Variants in SFXN5 observed in about 807,000 individuals in gnomAD.
SFXN5 encodes the protein sideroflexin-5.
A neutral mutation model predicts 50.2 loss-of-function variants in SFXN5; 43 were observed. The ratio of observed to expected loss-of-function variants is 0.86; its 90% confidence interval spans 0.67 to 1.11. The LOEUF is 1.11. SFXN5 is among the 50% of genes least tolerant of loss of function. SFXN5 has a pLI of 0.00. For missense variants in SFXN5, 463 were observed against 454.1 expected (o/e 1.02, Z -0.18); for synonymous variants, 203 against 185.8 (o/e 1.09, Z -0.75).
intron 5 of SFXN5, 71 bp downstream of exon 5, chr2:73,022,451 G>C: frequency 8.4e-7 from 1 of 1,186,556 alleles, no homozygotes. Flanking sequence ...AGCACATCTG[G>C]ATGCTCCTGG....
chr2:73,041,850 A>G (rs1679688423), intron 2 of SFXN5, among the ~76,000 whole-genome samples: 1 of 151,932 alleles, frequency 6.6e-6, no homozygotes, highest in Non-Finnish European at 1.5e-5. Flanking sequence ...TTATACACAC[A>G]CGCCACTGCA....
chr2:72,950,620 T>G lies in SFXN5; in HGVS notation c.946-5521A>C, dbSNP rs1476029193. Among the ~76,000 whole-genome samples, 1 of 152,206 alleles carries G rather than the reference T, an allele frequency of 6.6e-6. No individual in the cohort carries two copies. The highest frequency in any genetic ancestry group is 1.5e-5 in the Non-Finnish European group (1 of 68,032). ...CCCTGTCCACCAAAAACTAAGCATC[T>G]CCCTTGAAGACCACCTCTCTGAGGT... is the stretch of plus-strand genomic sequence containing the variant. On this transcript the variant is annotated intron_variant, in intron 13 of 13. Coordinates refer to ENST00000272433, the MANE Select transcript of SFXN5 (RefSeq NM_144579.3). The surrounding 1 kb of genome is among the most constrained non-coding windows in gnomAD (Gnocchi z 4.2).
chr2:73,032,859 G>A (rs1037921237), intron 3 of SFXN5, among the ~76,000 whole-genome samples: 1 of 152,166 alleles, frequency 6.6e-6, no homozygotes, highest in African/African-American at 2.4e-5. Context: ...TGGGCCAATC[G>A]CATTATACCT....
intron 9 of SFXN5, among the ~76,000 whole-genome samples, chr2:72,995,685 A>T (rs999451668): frequency 6.6e-6 from 1 of 152,210 alleles, no homozygotes. Context: ...TTTGCAGGTC[A>T]TCTCCTCCTA....
Position 73,057,076 on chromosome 2 carries a change from G to A in SFXN5, c.171+1452C>T, listed in dbSNP as rs1433918699. Among the ~76,000 whole-genome samples, 7 of 152,238 alleles carry A rather than the reference G, an allele frequency of 4.6e-5. No individual in the cohort carries two copies. The East Asian group carries it at 9.6e-4, about 21-fold the overall frequency. ...AAATTCTGGAACATCCTTTCAATGG[G>A]ACACTACTCAGCAGTAAGAAGGGAT... On this transcript the variant is annotated intron_variant, in intron 2 of 13. Coordinates refer to ENST00000272433, the MANE Select transcript of SFXN5 (RefSeq NM_144579.3).
At chr2:73,054,490 G>C (rs1217798303) in intron 2 of SFXN5, among the ~76,000 whole-genome samples, 2 of 152,120 alleles carry the variant, frequency 1.3e-5, no homozygotes, top group African/African-American at 2.4e-5. Context: ...GTGGTACAAG[G>C]AGGAGAGTAG....
At chr2:73,071,040 C>T (rs991380170) in intron 1 of SFXN5, 2 of 152,682 alleles carry the variant, frequency 1.3e-5, no homozygotes, top group African/African-American at 4.8e-5. Flanking sequence ...CGCCGCTCGC[C>T]TCGGCACTCG....
intron 12 of SFXN5, among the ~76,000 whole-genome samples, chr2:72,962,951 A>ACC (rs1431874690): frequency 6.6e-6 from 1 of 151,214 alleles, no homozygotes; most frequent in African/African-American, 2.4e-5. Flanking sequence ...CCCATCCAGC[A>ACC]CCCCCACCCT....
chr2:73,052,553 TCA>T (rs1327176974), intron 2 of SFXN5, among the ~76,000 whole-genome samples: 1 of 151,108 alleles, frequency 6.6e-6, no homozygotes, highest in African/African-American at 2.5e-5. Flanking sequence ...CCAAATAGTT[TCA>T]GATTGTGACA....
chr2:73,014,944 T>C (rs959431391), intron 6 of SFXN5, among the ~76,000 whole-genome samples: 2 of 152,216 alleles, frequency 1.3e-5, no homozygotes, highest in Non-Finnish European at 2.9e-5. Flanking sequence ...CCATTGTTTA[T>C]TTTTTCATGT....
intron 13 of SFXN5, among the ~76,000 whole-genome samples, chr2:72,957,359 A>G (rs903316119): frequency 1.3e-5 from 2 of 152,206 alleles, no homozygotes; most frequent in African/African-American, 4.8e-5. Flanking sequence ...GACCCTCAGT[A>G]CCATTTTAAT....
intron 2 of SFXN5, among the ~76,000 whole-genome samples, chr2:73,043,482 C>T (rs948641628): frequency 1.3e-5 from 2 of 152,200 alleles, no homozygotes; most frequent in Non-Finnish European, 1.5e-5. Flanking sequence ...TGTGAAACAC[C>T]GTGGTGGCCA....
chr2:73,069,118 T>C (rs1004181072), intron 1 of SFXN5, among the ~76,000 whole-genome samples: 1 of 152,098 alleles, frequency 6.6e-6, no homozygotes, highest in African/African-American at 2.4e-5. Context: ...GTGAGGTCTT[T>C]ATCTCAGAAG....
At chr2:73,033,933 G>C (rs1678627112) in intron 3 of SFXN5, among the ~76,000 whole-genome samples, 2 of 152,198 alleles carry the variant, frequency 1.3e-5, no homozygotes, top group Admixed American at 6.5e-5. Context: ...AACACCCTCA[G>C]TACACTGGAC....
intron 3 of SFXN5, 149 bp from the exon 4 acceptor site, chr2:73,023,363 C>A: frequency 1.4e-6 from 1 of 716,768 alleles, no homozygotes; most frequent in Non-Finnish European, 2.3e-6. Flanking sequence ...CCAGGCTGGG[C>A]AGCTGTCCTA....
intron 3 of SFXN5, among the ~76,000 whole-genome samples, chr2:73,024,157 G>C (rs929496885): frequency 6.6e-6 from 1 of 151,774 alleles, no homozygotes; most frequent in Non-Finnish European, 1.5e-5. Context: ...CTGAGTAGCT[G>C]GGATTACAGG....
intron 12 of SFXN5, among the ~76,000 whole-genome samples, chr2:72,966,581 C>T (rs1412346602): frequency 6.6e-6 from 1 of 152,184 alleles, no homozygotes; most frequent in Non-Finnish European, 1.5e-5. Flanking sequence ...AGCCTCCGCC[C>T]TCTTCTAGGG....
rs1670128893 is a variant in SFXN5, at chr2:72,972,521, G to A, written c.626-836C>T. Among the ~76,000 whole-genome samples the A allele has an allele frequency of 2.6e-5, 4 of 152,348 alleles. No homozygotes were observed. In the South Asian group the frequency reaches 6.2e-4, roughly 24 times the overall value. On this transcript the variant is annotated intron_variant, in intron 10 of 13. Coordinates refer to ENST00000272433, the MANE Select transcript of SFXN5 (RefSeq NM_144579.3). ...AGTGAAGCACTGGTTGTTGAAGTCT[G>A]GGGCCACCCATTAGCTGGCAACTAG...
At chr2:73,035,755 C>T (rs1374581887) in intron 3 of SFXN5, among the ~76,000 whole-genome samples, 1 of 152,124 alleles carries the variant, frequency 6.6e-6, no homozygotes, top group Non-Finnish European at 1.5e-5. Flanking sequence ...CTGTCTTGGC[C>T]TCCCAAAGTG....
Sources: allele counts gnomAD v4.1 joint callset (sites outside exome capture counted in the v4.1 genomes callset), GRCh38; gene constraint gnomAD v4.1.1; non-coding constraint Gnocchi (gnomAD v3.1); transcripts MANE v1.5; gene names NCBI Gene and HGNC (gene_info 2026-07-23, HGNC 2026-07-21).